Variants in DIP2C observed in about 807,000 individuals in gnomAD.
The protein encoded by DIP2C is disco-interacting protein 2 homolog C.
A neutral mutation model predicts 192.4 loss-of-function variants in DIP2C; 33 were observed. The ratio of observed to expected loss-of-function variants is 0.17; its 90% CI spans 0.13 to 0.23. The LOEUF is 0.23. Ranked by LOEUF, DIP2C falls within the 10% of genes least tolerant of loss-of-function variation. DIP2C has a pLI of 1.00. For synonymous variants in DIP2C, 979 were observed against 864.1 expected (o/e 1.13, Z -2.33); for missense variants, 1,537 against 2,110.1 (o/e 0.73, Z 5.32).
chr10:529,923 G>C (rs902283418), intron 1 of DIP2C, among the ~76,000 whole-genome samples: 1 of 152,220 alleles, frequency 6.6e-6, no homozygotes, highest in Non-Finnish European at 1.5e-5. Flanking sequence ...GGGACCAACA[G>C]GCAAGTTTCA....
intron 1 of DIP2C, among the ~76,000 whole-genome samples, chr10:491,065 CAG>C (rs1844407092): frequency 6.6e-6 from 1 of 151,648 alleles, no homozygotes; most frequent in African/African-American, 2.4e-5. Context: ...ACAGAACAGA[CAG>C]ACACCCGGCC....
intron 1 of DIP2C, among the ~76,000 whole-genome samples, chr10:511,172 G>A (rs1000587414): frequency 1.3e-5 from 2 of 152,168 alleles, no homozygotes; most frequent in Non-Finnish European, 2.9e-5. Context: ...ACACTGTCGC[G>A]ATGCTGCTTG....
chr10:311,813 A>T (rs894066856), intron 31 of DIP2C, among the ~76,000 whole-genome samples: 5 of 152,238 alleles, frequency 3.3e-5, no homozygotes, highest in African/African-American at 1.2e-4. Flanking sequence ...TAAAGATGTC[A>T]ACATATCCAC....
At chr10:499,984 C>T (rs895878586) in intron 1 of DIP2C, among the ~76,000 whole-genome samples, 5 of 152,224 alleles carry the variant, frequency 3.3e-5, no homozygotes, top group Non-Finnish European at 7.3e-5. Flanking sequence ...GGGGCCCCAA[C>T]CCTAAGCCCA....
At chr10:464,507 G>C (rs1388867438) in intron 3 of DIP2C, among the ~76,000 whole-genome samples, 1 of 152,140 alleles carries the variant, frequency 6.6e-6, no homozygotes, top group Non-Finnish European at 1.5e-5. Context: ...AGATGCTGGA[G>C]AGGATGTGAA....
chr10:315,433 G>T (rs1285531322), intron 31 of DIP2C, among the ~76,000 whole-genome samples: 1 of 152,110 alleles, frequency 6.6e-6, no homozygotes, highest in Non-Finnish European at 1.5e-5. Flanking sequence ...TCTCTAGGTT[G>T]GCTAAGTATC....
chr10:542,502 C>A (rs1188874983), intron 1 of DIP2C, among the ~76,000 whole-genome samples: 2 of 152,214 alleles, frequency 1.3e-5, no homozygotes. Flanking sequence ...CCCAGCATTC[C>A]CCAGCCACTA....
intron 3 of DIP2C, among the ~76,000 whole-genome samples, chr10:452,738 A>C (rs115073754): frequency 0.016 from 2,373 of 152,120 alleles, 67 homozygotes; most frequent in African/African-American, 0.054. Context: ...TGCAGAGAAA[A>C]CACCACACAC....
rs1327383119 is a variant in DIP2C at position 348,860 on chromosome 10, G to A, written c.3110-98C>T. 10 of 1,536,642 alleles carry A rather than the reference G, an allele frequency of 6.5e-6. No individual in the cohort carries two copies. The Middle Eastern group carries it at 6.9e-4, about 105-fold the overall frequency. ...ATGCTTGTCTGGGGCAAGTTCAACAGGGAAACGAGCAGCTGAGCTTCTCAC... is the reference window on the plus strand; with the variant it reads ...ATGCTTGTCTGGGGCAAGTTCAACAAGGAAACGAGCAGCTGAGCTTCTCAC... On this transcript the variant is annotated intron_variant, in intron 25 of 36. Coordinates refer to ENST00000280886, the MANE Select transcript of DIP2C (RefSeq NM_014974.3).
chr10:678,382 A>T lies in DIP2C; in HGVS notation c.85+11112T>A, dbSNP rs182584760. Reference sequence around the variant, plus strand: ...TCTTTAAAAAAAGAAAGAATTTTTTAAAAAAGAGGCACTGAGGCTCTGACC... The same window carrying T: ...TCTTTAAAAAAAGAAAGAATTTTTTTAAAAAGAGGCACTGAGGCTCTGACC... On this transcript the variant is annotated intron_variant, in intron 1 of 36. Transcript: ENST00000280886. Among the ~76,000 whole-genome samples the T allele has an allele frequency of 2.2e-3, 342 of 152,178 alleles. 1 individual carries two copies. Among genetic ancestry groups the T allele is most frequent in the Middle Eastern group, 6.8e-3 (2 of 294 alleles).
chr10:595,588 G>A (rs958129551), intron 1 of DIP2C, among the ~76,000 whole-genome samples: 8 of 152,186 alleles, frequency 5.3e-5, no homozygotes, highest in Non-Finnish European at 1.2e-4. Flanking sequence ...AGCCTTTTTA[G>A]AACAAGGCAG....
intron 35 of DIP2C, among the ~76,000 whole-genome samples, chr10:281,613 G>A (rs1954825774): frequency 1.3e-5 from 2 of 152,228 alleles, no homozygotes; most frequent in African/African-American, 4.8e-5. Flanking sequence ...TCAACTGCCT[G>A]ATTGCATGTT....
intron 32 of DIP2C, among the ~76,000 whole-genome samples, chr10:294,884 A>G (rs1955674809): frequency 6.6e-6 from 1 of 152,174 alleles, no homozygotes; most frequent in Admixed American, 6.5e-5. Context: ...AACCTACAGA[A>G]TAAAAGAATA....
chr10:561,344 G>A (rs1029462031), intron 1 of DIP2C, among the ~76,000 whole-genome samples: 1 of 152,194 alleles, frequency 6.6e-6, no homozygotes. Context: ...CACTGTACGA[G>A]AAGTCTCTGC....
In DIP2C at chr10:686,016, C is replaced by A. The variant is rs75226679; in HGVS notation, c.85+3478G>T. Among the ~76,000 whole-genome samples, 194 of 152,234 alleles carry A rather than the reference C, an allele frequency of 1.3e-3. 2 individuals are homozygous for A. The highest frequency in any genetic ancestry group is 4.5e-3 in the African/African-American group (186 of 41,520). ...TCTTTATGGGGAAGTTTTCTGCTTC[C>A]ACTCCAATTTGTTTGGCAATTCCAT... On this transcript the variant is annotated intron_variant, in intron 1 of 36. Transcript: ENST00000280886.
intron 1 of DIP2C, among the ~76,000 whole-genome samples, chr10:574,308 G>A (rs915116633): frequency 5.3e-5 from 8 of 152,078 alleles, no homozygotes; most frequent in South Asian, 2.1e-4. Context: ...TTATCTTTCC[G>A]CAATTAAATA....
intron 2 of DIP2C, among the ~76,000 whole-genome samples, chr10:477,716 G>C (rs1257930966): frequency 7.2e-6 from 1 of 138,700 alleles, no homozygotes; most frequent in Non-Finnish European, 1.6e-5. Flanking sequence ...ATAAAGGAGA[G>C]AGAAGAAAGA....
At chr10:546,130 A>C (rs1848272639) in intron 1 of DIP2C, among the ~76,000 whole-genome samples, 1 of 151,958 alleles carries the variant, frequency 6.6e-6, no homozygotes, top group African/African-American at 2.4e-5. Flanking sequence ...AAAATAATAA[A>C]AATTATCCGG....
chr10:290,063 A>G (rs1415660240), intron 32 of DIP2C, among the ~76,000 whole-genome samples: 4 of 152,214 alleles, frequency 2.6e-5, no homozygotes, highest in Admixed American at 1.3e-4. Flanking sequence ...GGCCAGCAGC[A>G]CTTTCTCCTC....
Sources: gnomAD v4.1 joint callset for allele counts (sites outside exome capture counted in the v4.1 genomes callset) on GRCh38, gnomAD v4.1.1 for gene constraint, MANE v1.5 for transcripts, NCBI Gene and HGNC (gene_info 2026-07-23, HGNC 2026-07-21) for gene names.